The following TIMD4 variants were observed in gnomAD, a reference collection of about 807,000 sequenced individuals.
TIMD4 encodes T-cell immunoglobulin and mucin domain-containing protein 4.
In TIMD4, 31 loss-of-function variants were observed where a neutral mutation model predicts 41.2. The observed-to-expected ratio is 0.75, with a 90% CI of 0.57 to 1.01. The LOEUF (loss-of-function observed/expected upper bound fraction) is 1.01. Among genes scored for constraint, TIMD4 ranks in the 50% least tolerant of loss-of-function variants. The pLI, the probability that TIMD4 is intolerant of heterozygous loss-of-function variation, is 0.00. For missense variants in TIMD4, 479 were observed against 472.5 expected, an observed-to-expected ratio of 1.01 and a Z score of -0.13; for synonymous variants, 204 against 177.1, an observed-to-expected ratio of 1.15 and a Z score of -1.21.
At chr5:156,922,001 T>TG (rs1317083089) in intron 7 of TIMD4, 98 bp downstream of exon 7, 4 of 889,026 alleles carry the variant, frequency 4.5e-6, no homozygotes, top group Non-Finnish European at 6.8e-6. Context: ...TGAGCCTCTT[T>TG]GGGGAGGGAT....
chr5:156,933,144 T>G lies in TIMD4; in HGVS notation c.845-6832A>C, dbSNP rs143642966. Among the ~76,000 whole-genome samples the G allele has an allele frequency of 1.8e-3, 277 of 152,294 alleles. 8 individuals are homozygous for G. The East Asian group carries it at 0.049, about 27-fold the overall frequency. On this transcript the variant is annotated intron_variant, in intron 5 of 8. Coordinates refer to ENST00000274532, the MANE Select transcript of TIMD4 (RefSeq NM_138379.3). ...GAAACTAATGAAATTTAAAGTGAGT[T>G]TAAAAGAATATAGAATGATTTTGAA...
chr5:156,935,513 C>G (rs1759523843), intron 5 of TIMD4: 1 of 152,106 alleles, frequency 6.6e-6, no homozygotes, highest in East Asian at 1.9e-4. Flanking sequence ...TTCCTTAGTT[C>G]CAAGGGAAGA....
chr5:156,935,870 C>T (rs761987971), intron 5 of TIMD4, among the ~76,000 whole-genome samples: 34 of 152,182 alleles, frequency 2.2e-4, no homozygotes, highest in Non-Finnish European at 4.4e-4. Flanking sequence ...GACCTCATTC[C>T]TAATCCTTCA....
intron 1 of TIMD4, among the ~76,000 whole-genome samples, chr5:156,957,382 G>A (rs1427944204): frequency 1.3e-5 from 2 of 151,890 alleles, no homozygotes; most frequent in African/African-American, 4.8e-5. Context: ...GCATGATGGT[G>A]GGTGCCTGTA....
Position 156,926,264 on chromosome 5 carries a change from T to A in TIMD4, c.893A>T (p.Gln298Leu). 3.1e-6 allele frequency: 5 copies of A among 1,613,274 alleles called. No individual in the cohort carries two copies. The highest frequency in any genetic ancestry group is 4.2e-6 in the Non-Finnish European group (5 of 1,179,414). ...GCAAATACTTCACAGATTTTTTACC[T>A]GTCCTGTTTTTGTTGTTTTGTTCTG... Reference protein sequence around the residue: ...PEQNKTTKTGQMDGIPMSMKN... With the variant: ...PEQNKTTKTGLMDGIPMSMKN... The change falls in exon 6 of 9, where the codon CAG (glutamine) becomes CTG (leucine). Residue 298 changes from glutamine (Q) to leucine (L), a missense_variant and splice_region_variant. Transcript: ENST00000274532.
intron 4 of TIMD4, among the ~76,000 whole-genome samples, chr5:156,948,809 C>T (rs1759795083): frequency 1.3e-5 from 2 of 152,154 alleles, no homozygotes; most frequent in South Asian, 2.1e-4. Flanking sequence ...AAAGTGAAGC[C>T]GGAGCACCCA....
intron 1 of TIMD4, among the ~76,000 whole-genome samples, chr5:156,960,398 C>A (rs1483633984): frequency 4.1e-5 from 6 of 147,458 alleles, no homozygotes; most frequent in African/African-American, 1.2e-4. Flanking sequence ...TTGTTTTTTT[C>A]TTCCCCCTTT....
At chr5:156,936,783 T>G (rs553723648) in intron 5 of TIMD4, among the ~76,000 whole-genome samples, 2 of 149,168 alleles carry the variant, frequency 1.3e-5, no homozygotes, top group African/African-American at 2.5e-5. Flanking sequence ...GAAAAAAAAA[T>G]TAGCCAGGCA....
Position 156,927,184 on chromosome 5 carries a change from A to G in TIMD4, c.845-872T>C, listed in dbSNP as rs552501031. Reference sequence around the variant, plus strand: ...GAAAGTTTTATTAGAATAAAGTGTCATGAGGACAGAGTCCCTGTCTGCTTG... The same window carrying G: ...GAAAGTTTTATTAGAATAAAGTGTCGTGAGGACAGAGTCCCTGTCTGCTTG... On this transcript the variant is annotated intron_variant, in intron 5 of 8. Transcript: ENST00000274532. Among the ~76,000 whole-genome samples the G allele has an allele frequency of 5.2e-5, 8 of 152,382 alleles. No homozygotes were observed. In the South Asian group the frequency reaches 1.7e-3, roughly 32 times the overall value.
In TIMD4 at chr5:156,923,315, AT is replaced by A. The variant is rs201531167; in HGVS notation, c.895-1100del. ...AGGCATGCATATCCAAGCCCGGCTA[AT>A]TTTTTTGTTTTTAGTACAGATGGGT... On this transcript the variant is annotated intron_variant, in intron 6 of 8. Coordinates refer to ENST00000274532, the MANE Select transcript of TIMD4 (RefSeq NM_138379.3). Among the ~76,000 whole-genome samples the A allele has an allele frequency of 9.6e-3, 1,458 of 151,516 alleles. 10 individuals carry two copies. Among genetic ancestry groups the A allele is most frequent in the Non-Finnish European group, 0.015 (1,036 of 67,808 alleles).
intron 5 of TIMD4, among the ~76,000 whole-genome samples, chr5:156,943,353 C>T (rs1581623608): frequency 6.6e-6 from 1 of 152,188 alleles, no homozygotes; most frequent in African/African-American, 2.4e-5. Flanking sequence ...CCCCATTTTA[C>T]ATTTTGAGGA....
intron 1 of TIMD4, among the ~76,000 whole-genome samples, chr5:156,955,327 G>A (rs6890732): frequency 0.035 from 5,288 of 152,216 alleles, 232 homozygotes; most frequent in African/African-American, 0.1. Flanking sequence ...CAGGTGGGCT[G>A]TTTTCCACAA....
At chr5:156,953,125 AG>A (rs1759894151) in intron 2 of TIMD4, among the ~76,000 whole-genome samples, 1 of 152,200 alleles carries the variant, frequency 6.6e-6, no homozygotes, top group Non-Finnish European at 1.5e-5. Flanking sequence ...TAATATATAA[AG>A]GTCAAGTATT....
At chr5:156,936,377 C>G (rs1445664219) in intron 5 of TIMD4, among the ~76,000 whole-genome samples, 1 of 152,168 alleles carries the variant, frequency 6.6e-6, no homozygotes, top group Non-Finnish European at 1.5e-5. Context: ...TTACTGCATG[C>G]CAAGTACAAT....
At chr5:156,948,297 G>T in intron 5 of TIMD4, 119 bp downstream of exon 5, 1 of 481,480 alleles carries the variant, frequency 2.1e-6, no homozygotes, top group Non-Finnish European at 2.9e-6. Flanking sequence ...AGACCAGCCT[G>T]GGCAACATGG....
intron 2 of TIMD4, among the ~76,000 whole-genome samples, chr5:156,953,653 CA>C (rs35165963): frequency 1.2e-3 from 73 of 58,486 alleles, no homozygotes; most frequent in Middle Eastern, 9.3e-3. Context: ...AAACTCTGTC[CA>C]AAAAAAAAAA....
At position 156,958,374 on chromosome 5, in the gene TIMD4, G is replaced by T. The variant is rs191291629; in HGVS notation, c.59-3618C>A. The stretch of plus-strand genomic sequence containing the variant: ...GAAAGGAAAGGAAAGGAAAGGAAAG[G>T]AAAGGAAAGGAAAGGATCCAATAGA... On this transcript the variant is annotated intron_variant, in intron 1 of 8. Coordinates refer to ENST00000274532, the MANE Select transcript of TIMD4 (RefSeq NM_138379.3). Among the ~76,000 whole-genome samples, 516 of 92,366 alleles carry T rather than the reference G, an allele frequency of 5.6e-3. 1 individual carries two copies. The highest frequency in any genetic ancestry group is 7.9e-3 in the Non-Finnish European group (347 of 44,144). 60.6% of individuals were successfully genotyped at this position (92,366 alleles called of 152,430 possible).
intron 1 of TIMD4, among the ~76,000 whole-genome samples, chr5:156,957,789 C>G (rs957253509): frequency 6.6e-6 from 1 of 151,658 alleles, no homozygotes; most frequent in Non-Finnish European, 1.5e-5. Context: ...GATCATATCA[C>G]TGGACTCCAG....
At chr5:156,926,497 C>T (rs1759350406) in intron 5 of TIMD4, among the ~76,000 whole-genome samples, 185 bp from the exon 6 acceptor site, 1 of 152,132 alleles carries the variant, frequency 6.6e-6, no homozygotes, top group Non-Finnish European at 1.5e-5. Context: ...TAAATTTTAT[C>T]TGCTATACAA....
Sources: allele counts gnomAD v4.1 joint callset (sites outside exome capture counted in the v4.1 genomes callset), GRCh38; gene constraint gnomAD v4.1.1; transcripts MANE v1.5; gene names NCBI Gene and HGNC (gene_info 2026-07-23, HGNC 2026-07-21).